KLHL12: variants seen among roughly 807,000 people sequenced by gnomAD.
KLHL12 encodes kelch-like protein 12.
In KLHL12, 17 loss-of-function variants were observed where a neutral mutation model predicts 60.8. The observed-to-expected ratio is 0.28, with a 90% confidence interval of 0.19 to 0.42. KLHL12 has a LOEUF of 0.42. KLHL12 is among the 10% of genes least tolerant of loss of function. The pLI, the probability that KLHL12 is intolerant of heterozygous loss-of-function variation, is 1.00. For synonymous variants in KLHL12, 220 were observed against 250.9 expected (o/e 0.88, Z 1.16); for missense variants, 468 against 722.3 (o/e 0.65, Z 4.04).
chr1:202,901,181 C>T (rs1659996681), intron 6 of KLHL12, among the ~76,000 whole-genome samples: 1 of 152,192 alleles, frequency 6.6e-6, no homozygotes, highest in African/African-American at 2.4e-5. Flanking sequence ...TTCCTGTTGG[C>T]TGAAATTTTC....
chr1:202,910,693 C>G (rs1362297031), intron 5 of KLHL12, among the ~76,000 whole-genome samples: 1 of 151,988 alleles, frequency 6.6e-6, no homozygotes, highest in Non-Finnish European at 1.5e-5. Flanking sequence ...TACCAGAAGT[C>G]AAAAATGAAG....
chr1:202,914,285 G>T (rs558631959), intron 4 of KLHL12, among the ~76,000 whole-genome samples: 35 of 152,300 alleles, frequency 2.3e-4, no homozygotes, highest in African/African-American at 8.2e-4. Context: ...ATGCTGCTCT[G>T]GTACATTAGG....
Position 202,894,809 on chromosome 1 carries a change from C to G in KLHL12, c.1136-60G>C. On this transcript the variant is annotated intron_variant, in intron 8 of 11. Transcript: ENST00000367261. ...AATGAGAGATTTCTAAGAACTCTTT[C>G]CTCTACAAATTTTCCAAGGGTCCTT... 3 of 1,434,364 alleles carry G rather than the reference C, an allele frequency of 2.1e-6. No homozygotes were observed. In the South Asian group the frequency reaches 3.6e-5, roughly 17 times the overall value. 88.9% of individuals were successfully genotyped at this position (1,434,364 alleles called of 1,614,324 possible).
At position 202,927,185 on chromosome 1, in the gene KLHL12, A is replaced by T; in HGVS notation, c.-142T>A. On this transcript the variant is annotated 5_prime_UTR_variant, in exon 1 of 12. Coordinates refer to ENST00000367261, the MANE Select transcript of KLHL12 (RefSeq NM_021633.4). Reference sequence around the variant, plus strand: ...TAGCAGGCGGCTCGGGAGGAGCCGAAGCGCCGCCCAGACCCGGAGGCTCTG... The same window carrying T: ...TAGCAGGCGGCTCGGGAGGAGCCGATGCGCCGCCCAGACCCGGAGGCTCTG... 3.0e-6 allele frequency: 3 copies of T among 985,148 alleles called. No individual in the cohort carries two copies. Among genetic ancestry groups the T allele is most frequent in the Non-Finnish European group, 3.6e-6 (3 of 829,882 alleles). The allele number at this position is 985,148 out of a possible 1,614,324, so 61.0% of individuals were successfully genotyped here. A position where few individuals can be genotyped will look rare whatever the true frequency, so the allele number is the denominator to read the frequency against.
chr1:202,924,918 C>T (rs377115026), intron 2 of KLHL12, 50 bp downstream of exon 2: 78 of 1,574,618 alleles, frequency 5.0e-5, no homozygotes, highest in Non-Finnish European at 6.3e-5. Context: ...TGAAATTAGA[C>T]AACTAGAGTT....
chr1:202,924,850 C>CCTTTTTTTTA, intron 2 of KLHL12, 118 bp downstream of exon 2: 3 of 1,255,266 alleles, frequency 2.4e-6, no homozygotes, highest in Non-Finnish European at 3.3e-6. Context: ...CCAGAATCTG[C>CCTTTTTTTTA]CAAAACATCA....
At position 202,895,578 on chromosome 1, in the gene KLHL12, T is replaced by C. The variant is rs1397850508; in HGVS notation, c.1079A>G (p.Tyr360Cys). 2 of 1,614,008 alleles carry C rather than the reference T, an allele frequency of 1.2e-6. No individual in the cohort carries two copies. Among genetic ancestry groups the C allele is most frequent in the Non-Finnish European group, 1.7e-6 (2 of 1,180,022 alleles). Residue 360 changes from tyrosine (Y) to cysteine (C), a missense_variant, in exon 8 of 12, where the codon TAT becomes TGT. This residue lies in a region of KLHL12 where 339 missense variants were observed against 525.0 expected (regional missense o/e 0.65). Transcript: ENST00000367261. The surrounding 1 kb of genome is among the most constrained non-coding windows in gnomAD (Gnocchi z 4.2). ...TCGGACATTCATAGGGGCCACAGAA[T>C]ACCAGACCCCATCCTCATCTGCTGT... is the stretch of plus-strand genomic sequence containing the variant. ...DYTADEDGVW[Y>C]SVAPMNVRRG...
intron 4 of KLHL12, among the ~76,000 whole-genome samples, chr1:202,913,347 G>T (rs1660422294): frequency 6.6e-6 from 1 of 152,134 alleles, no homozygotes; most frequent in South Asian, 2.1e-4. Flanking sequence ...CATATTCTGG[G>T]AGATACCTTT....
intron 6 of KLHL12, among the ~76,000 whole-genome samples, chr1:202,905,891 A>G (rs1660168110): frequency 6.8e-6 from 1 of 147,202 alleles, no homozygotes; most frequent in Non-Finnish European, 1.5e-5. Context: ...TGCAGGCTCC[A>G]TCTCCTGGGT....
intron 6 of KLHL12, 52 bp from the exon 7 acceptor site, chr1:202,897,012 T>C (rs759257866): frequency 1.7e-5 from 23 of 1,329,878 alleles, no homozygotes; most frequent in Non-Finnish European, 2.4e-5. Context: ...CCTGGATGGG[T>C]AACTAGTCAC....
intron 4 of KLHL12, among the ~76,000 whole-genome samples, chr1:202,914,669 G>A (rs767135855): frequency 1.1e-4 from 16 of 151,934 alleles, no homozygotes; most frequent in South Asian, 6.2e-4. Context: ...AGTTTGAGAC[G>A]AGCCTGGCCA....
intron 4 of KLHL12, chr1:202,912,156 A>C (rs1660381978): frequency 2.3e-6 from 2 of 876,742 alleles, no homozygotes; most frequent in Non-Finnish European, 3.8e-6. Context: ...GCATTAAAGA[A>C]GACACTGAAG....
At chr1:202,926,966 CCT>C in intron 1 of KLHL12, 121 bp downstream of exon 1, 1 of 759,174 alleles carries the variant, frequency 1.3e-6, no homozygotes. Context: ...CAGCCTTCCT[CCT>C]CTGTTGGGCA....
intron 4 of KLHL12, chr1:202,911,743 C>A: frequency 1.6e-6 from 1 of 640,694 alleles, no homozygotes; most frequent in Non-Finnish European, 2.8e-6. Context: ...TTTTCAAAAG[C>A]ATTATCGCCT....
intron 6 of KLHL12, among the ~76,000 whole-genome samples, chr1:202,899,831 A>C (rs1229016608): frequency 6.7e-6 from 1 of 148,198 alleles, no homozygotes; most frequent in Non-Finnish European, 1.5e-5. Context: ...TCAAAAAAAA[A>C]AAAAAAAAAT....
At chr1:202,902,378 C>T (rs753812432) in intron 6 of KLHL12, among the ~76,000 whole-genome samples, 3 of 150,754 alleles carry the variant, frequency 2.0e-5, no homozygotes, top group South Asian at 2.1e-4. Context: ...TGCAGTGAGC[C>T]GAGATCACAC....
intron 6 of KLHL12, among the ~76,000 whole-genome samples, chr1:202,908,338 T>C (rs1293620073): frequency 6.6e-6 from 1 of 152,260 alleles, no homozygotes; most frequent in Non-Finnish European, 1.5e-5. Context: ...CTAGGTCTAT[T>C]TGCTAAGATA....
chr1:202,914,112 G>C (rs538241790), intron 4 of KLHL12, among the ~76,000 whole-genome samples: 2 of 152,212 alleles, frequency 1.3e-5, no homozygotes, highest in South Asian at 4.1e-4. Flanking sequence ...GCAAGGGCCA[G>C]GTACAGAGAG....
intron 6 of KLHL12, among the ~76,000 whole-genome samples, chr1:202,897,361 G>A (rs538567926): frequency 1.9e-4 from 28 of 146,646 alleles, no homozygotes; most frequent in South Asian, 8.8e-4. Context: ...TCAGCCTCCC[G>A]AGTAGCTGGG....
Sources: gnomAD v4.1 joint callset for allele counts (sites outside exome capture counted in the v4.1 genomes callset) on GRCh38, gnomAD v4.1.1 for gene constraint, gnomAD v4.1.1 regional missense constraint, Gnocchi (gnomAD v3.1) non-coding constraint, MANE v1.5 for transcripts, NCBI Gene and HGNC (gene_info 2026-07-23, HGNC 2026-07-21) for gene names.